The following ADCY9 variants were observed in gnomAD, a reference collection of about 807,000 sequenced individuals.
ADCY9 encodes adenylate cyclase 9.
ADCY9 carries 50 observed loss-of-function variants against 101.5 expected under a neutral mutation model. The observed-to-expected ratio is 0.49, with a 90% CI of 0.39 to 0.62. The LOEUF is 0.62. Ranked by LOEUF, ADCY9 falls within the 20% of genes least tolerant of loss-of-function variation. The pLI, the probability that ADCY9 is intolerant of heterozygous loss-of-function variation, is 0.00. For missense variants in ADCY9, 1,662 were observed against 1,800.4 expected (o/e 0.92, Z 1.39); for synonymous variants, 905 against 769.3 (o/e 1.18, Z -2.92).
intron 2 of ADCY9, among the ~76,000 whole-genome samples, chr16:4,026,427 A>AT (rs2056515704): frequency 1.5e-5 from 1 of 67,918 alleles, no homozygotes; most frequent in South Asian, 6.9e-4. Flanking sequence ...CTCCGTCTCA[A>AT]AAAAAAAAAA....
chr16:3,970,528 A>G (rs2056041707), intron 10 of ADCY9, among the ~76,000 whole-genome samples: 1 of 151,976 alleles, frequency 6.6e-6, no homozygotes, highest in South Asian at 2.1e-4. Context: ...GGGTTTCACC[A>G]TGTTGACCAG....
chr16:3,958,541 CAAAA>C (rs57920543), downstream of ADCY9, among the ~76,000 whole-genome samples: 4,793 of 103,922 alleles, frequency 0.046, 197 homozygotes, highest in African/African-American at 0.15. Context: ...AACTCCGTCT[CAAAA>C]AAAAAAAAAA....
intron 2 of ADCY9, among the ~76,000 whole-genome samples, chr16:4,009,463 G>C (rs1490504639): frequency 6.6e-6 from 1 of 152,030 alleles, no homozygotes; most frequent in Non-Finnish European, 1.5e-5. Flanking sequence ...CACTGTGTTG[G>C]CCAGGCTGGT....
chr16:4,104,551 G>A lies in ADCY9; in HGVS notation c.1693+9199C>T, dbSNP rs116123270. On this transcript the variant is annotated intron_variant, in intron 2 of 10. Coordinates refer to ENST00000294016, the MANE Select transcript of ADCY9 (RefSeq NM_001116.4). ...CACTTGAGCCCAGGAGGTCAAGGCT[G>A]GAGTGAGCTATGGTAGCACCACTGC... Among the ~76,000 whole-genome samples, 1,444 of 152,146 alleles carry A rather than the reference G, an allele frequency of 9.5e-3. 23 individuals are homozygous for A. The highest frequency in any genetic ancestry group is 0.032 in the African/African-American group (1,335 of 41,508).
intron 3 of ADCY9, among the ~76,000 whole-genome samples, chr16:4,004,728 T>G (rs2056355641): frequency 6.6e-6 from 1 of 152,208 alleles, no homozygotes; most frequent in Admixed American, 6.5e-5. Flanking sequence ...TAAGATCGTG[T>G]ATGTTACAGC....
At chr16:4,041,054 G>T (rs2056623236) in intron 2 of ADCY9, among the ~76,000 whole-genome samples, 1 of 152,142 alleles carries the variant, frequency 6.6e-6, no homozygotes, top group Non-Finnish European at 1.5e-5. Context: ...ATAAAGCAGA[G>T]AATCAAAGCC....
intron 2 of ADCY9, among the ~76,000 whole-genome samples, chr16:4,081,862 G>C (rs1313223474): frequency 2.0e-5 from 3 of 148,794 alleles, no homozygotes; most frequent in Non-Finnish European, 3.0e-5. Context: ...GTGTGGGTAA[G>C]AGCAAGAAAG....
intron 2 of ADCY9, among the ~76,000 whole-genome samples, chr16:4,025,609 G>A (rs1035007386): frequency 6.6e-6 from 1 of 152,216 alleles, no homozygotes; most frequent in African/African-American, 2.4e-5. Flanking sequence ...CTGGCACGAG[G>A]CCTGCCGAGG....
chr16:3,970,782 C>T (rs796944974), intron 10 of ADCY9, among the ~76,000 whole-genome samples: 4 of 152,356 alleles, frequency 2.6e-5, no homozygotes, highest in African/African-American at 7.2e-5. Context: ...AACCCCTGGG[C>T]CCCATCCTGG....
intron 2 of ADCY9, among the ~76,000 whole-genome samples, chr16:4,063,693 CG>C (rs1289969799): frequency 6.7e-6 from 1 of 149,786 alleles, no homozygotes; most frequent in Non-Finnish European, 1.5e-5. Flanking sequence ...GCCTGGGCCA[CG>C]GGGCGAGATC....
chr16:4,103,806 G>A (rs1444241479), intron 2 of ADCY9, among the ~76,000 whole-genome samples: 6 of 152,044 alleles, frequency 3.9e-5, no homozygotes, highest in Non-Finnish European at 7.4e-5. Context: ...ACTCCAGCCC[G>A]GGCGACAGAG....
At chr16:4,038,979 C>G (rs2056608679) in intron 2 of ADCY9, among the ~76,000 whole-genome samples, 1 of 152,096 alleles carries the variant, frequency 6.6e-6, no homozygotes, top group Non-Finnish European at 1.5e-5. Context: ...AATGCTTGCC[C>G]TTTTATAAAA....
intron 2 of ADCY9, among the ~76,000 whole-genome samples, chr16:4,047,443 G>T (rs2056672692): frequency 6.7e-6 from 1 of 148,994 alleles, no homozygotes; most frequent in Non-Finnish European, 1.5e-5. Context: ...GGGCCTGGGG[G>T]ACTTACACAG....
Position 3,979,131 on chromosome 16 carries a change from A to G in ADCY9, c.2664T>C (p.Tyr888=). The change falls in exon 8 of 11, where the codon TAT becomes TAC. Residue 888 remains tyrosine, a synonymous_variant. Transcript: ENST00000294016. ...CTTTACTTACGTGTATGTTGGTCTC[A>G]TATTCGGAGGTGACATGGGAGTAGA... is the stretch of plus-strand genomic sequence containing the variant. The part of the protein sequence containing the change: ...LAVYSHVTSE[Y]ETNIHFPVFT... 6.2e-7 allele frequency: 1 copy of G among 1,613,808 alleles called. No individual in the cohort carries two copies. Among genetic ancestry groups the G allele is most frequent in the South Asian group, 1.1e-5 (1 of 91,074 alleles).
rs562883075 is a variant in ADCY9 at position 4,104,863 on chromosome 16, G to A, written c.1693+8887C>T. ...TTATCACTCAAAAAACCTCAGCCGT[G>A]GGTCGGGCGCAGTGGCTAACATGCT... On this transcript the variant is annotated intron_variant, in intron 2 of 10. Coordinates refer to ENST00000294016, the MANE Select transcript of ADCY9 (RefSeq NM_001116.4). 5.3e-5 allele frequency among the ~76,000 whole-genome samples: 8 copies of A among 152,038 alleles called. 1 individual carries two copies. Among genetic ancestry groups the A allele is most frequent in the African/African-American group, 1.9e-4 (8 of 41,498 alleles).
Position 4,113,741 on chromosome 16 carries a change from T to C in ADCY9, c.1693+9A>G, listed in dbSNP as rs370605764. The C allele has an allele frequency of 1.7e-4, 280 of 1,608,250 alleles. 1 individual carries two copies. Among genetic ancestry groups the C allele is most frequent in the Middle Eastern group, 1.2e-3 (7 of 5,838 alleles). On this transcript the variant is annotated intron_variant, in intron 2 of 10. Transcript: ENST00000294016. ...GAGGGGGGATGCCGAGGTAAAGCAG[T>C]GCACATACCTTTCAACTGGTCAGCA... is the stretch of plus-strand genomic sequence containing the variant.
At chr16:4,073,588 G>C (rs1260495338) in intron 2 of ADCY9, among the ~76,000 whole-genome samples, 1 of 152,132 alleles carries the variant, frequency 6.6e-6, no homozygotes, top group Non-Finnish European at 1.5e-5. Flanking sequence ...TAGAGACAGG[G>C]TTTTGCCATG....
chr16:4,030,882 T>A (rs1188342738), intron 2 of ADCY9, among the ~76,000 whole-genome samples: 1 of 152,194 alleles, frequency 6.6e-6, no homozygotes, highest in Non-Finnish European at 1.5e-5. Flanking sequence ...GGTGCTGGTT[T>A]AGTGGATGTG....
intron 2 of ADCY9, among the ~76,000 whole-genome samples, chr16:4,094,630 T>C (rs572283459): frequency 3.0e-5 from 4 of 133,640 alleles, no homozygotes; most frequent in Non-Finnish European, 6.5e-5. Context: ...CCATCTCTAA[T>C]AAGAAAAAAA....
Sources: gnomAD v4.1 joint callset for allele counts (sites outside exome capture counted in the v4.1 genomes callset) on GRCh38, gnomAD v4.1.1 for gene constraint, MANE v1.5 for transcripts, NCBI Gene and HGNC (gene_info 2026-07-23, HGNC 2026-07-21) for gene names.